Variants in PTPRD observed in about 807,000 individuals in gnomAD.
PTPRD encodes receptor-type tyrosine-protein phosphatase delta.
In PTPRD, 34 loss-of-function variants were observed where a neutral mutation model predicts 214.5. That is an observed-to-expected ratio of 0.16 (90% CI 0.12 to 0.21). The LOEUF (loss-of-function observed/expected upper bound fraction) is 0.21. Ranked by LOEUF, PTPRD falls within the 10% of genes least tolerant of loss-of-function variation. The pLI, the probability that PTPRD is intolerant of heterozygous loss-of-function variation, is 1.00. For synonymous variants in PTPRD, 1,128 were observed against 845.7 expected, an observed-to-expected ratio of 1.33 and a Z score of -5.79; for missense variants, 2,545 against 2,398.7, an observed-to-expected ratio of 1.06 and a Z score of -1.27.
At chr9:9,261,776 G>A (rs1199310023) in intron 9 of PTPRD, among the ~76,000 whole-genome samples, 1 of 151,690 alleles carries the variant, frequency 6.6e-6, no homozygotes, top group African/African-American at 2.4e-5. Flanking sequence ...AGCTATATCT[G>A]TTTTTGGCTA....
At chr9:10,257,077 C>CA (rs34495507) in intron 3 of PTPRD, among the ~76,000 whole-genome samples, 24,203 of 152,046 alleles carry the variant, frequency 0.16, 2,056 homozygotes, top group Non-Finnish European at 0.18. Flanking sequence ...TAAGTACAGA[C>CA]AAAAAATGTT....
chr9:10,024,698 T>C lies in PTPRD; in HGVS notation c.-472+9020A>G, dbSNP rs531827261. 2.6e-5 allele frequency among the ~76,000 whole-genome samples: 4 copies of C among 151,518 alleles called. No homozygotes were observed. In the South Asian group the frequency reaches 6.3e-4, roughly 24 times the overall value. On this transcript the variant is annotated intron_variant, in intron 4 of 45. Coordinates refer to ENST00000381196, the MANE Select transcript of PTPRD (RefSeq NM_002839.4). ...ACAACGTGCAGGTTTGTTACATACGTATACATGTGCCATGTTGGTGTGCTG... is the reference window on the plus strand; with the variant it reads ...ACAACGTGCAGGTTTGTTACATACGCATACATGTGCCATGTTGGTGTGCTG...
chr9:9,365,334 C>T (rs1442436241), intron 9 of PTPRD, among the ~76,000 whole-genome samples: 3 of 151,500 alleles, frequency 2.0e-5, no homozygotes, highest in African/African-American at 7.3e-5. Context: ...TAATCTTTCA[C>T]ATATAGTTGG....
intron 9 of PTPRD, among the ~76,000 whole-genome samples, chr9:9,320,648 T>C (rs1966023021): frequency 6.6e-6 from 1 of 152,140 alleles, no homozygotes; most frequent in Non-Finnish European, 1.5e-5. Context: ...TAGACCTTTC[T>C]AGTGACCAAT....
At chr9:9,651,501 T>A (rs1316668100) in intron 7 of PTPRD, among the ~76,000 whole-genome samples, 1 of 152,120 alleles carries the variant, frequency 6.6e-6, no homozygotes, top group Non-Finnish European at 1.5e-5. Flanking sequence ...GGTATTTGGT[T>A]TTCTGTTCCT....
At chr9:8,925,746 C>T (rs995630367) in intron 11 of PTPRD, among the ~76,000 whole-genome samples, 7 of 151,426 alleles carry the variant, frequency 4.6e-5, no homozygotes, top group Non-Finnish European at 7.4e-5. Context: ...CAGCTATAAA[C>T]ACCTCTTGTC....
intron 3 of PTPRD, among the ~76,000 whole-genome samples, chr9:10,050,559 C>CAAAAAAA (rs1164243746): frequency 0.021 from 296 of 13,992 alleles, 55 homozygotes; most frequent in Non-Finnish European, 0.032. Context: ...GAGTCTGTCT[C>CAAAAAAA]AAAAAAAAAA....
chr9:10,029,640 T>TCCCCAGTGCCTGTATCC lies in PTPRD; in HGVS notation c.-472+4061_-472+4077dup, dbSNP rs572886784. Among the ~76,000 whole-genome samples the TCCCCAGTGCCTGTATCC allele has an allele frequency of 4.6e-5, 7 of 152,310 alleles. No individual in the cohort carries two copies. In the East Asian group the frequency reaches 1.4e-3, roughly 29 times the overall value. On this transcript the variant is annotated intron_variant, in intron 4 of 45. Coordinates refer to ENST00000381196, the MANE Select transcript of PTPRD (RefSeq NM_002839.4). Reference sequence around the variant, plus strand: ...GTCTCCCATTTGGAACGGCTGTATTTCCCCAGTGCCTGTATCCCTATTGTA... The same window carrying TCCCCAGTGCCTGTATCC: ...GTCTCCCATTTGGAACGGCTGTATTTCCCCAGTGCCTGTATCCCCCCAGTGCCTGTATCCCTATTGTA...
At chr9:8,398,398 A>C (rs2129673136) in intron 36 of PTPRD, among the ~76,000 whole-genome samples, 1 of 152,290 alleles carries the variant, frequency 6.6e-6, no homozygotes, top group East Asian at 1.9e-4. Flanking sequence ...AGCAGCATAT[A>C]GGCCCTCCTA....
rs570155410 is a variant in PTPRD, at chr9:9,715,851, G to GTTA, written c.-287+18679_-287+18681dup. Among the ~76,000 whole-genome samples the GTTA allele has an allele frequency of 2.0e-4, 30 of 151,618 alleles. No homozygotes were observed. The South Asian group carries it at 3.5e-3, about 18-fold the overall frequency. Reference sequence around the variant, plus strand: ...AAACTGTTGCTAAGAAGCTTCTTTTGTTATTATTATTATTATTATACTTTA... The same window carrying GTTA: ...AAACTGTTGCTAAGAAGCTTCTTTTGTTATTATTATTATTATTATTATACTTTA... On this transcript the variant is annotated intron_variant, in intron 7 of 45. Transcript: ENST00000381196.
chr9:8,958,215 A>C (rs1325765382), intron 11 of PTPRD, among the ~76,000 whole-genome samples: 1 of 151,904 alleles, frequency 6.6e-6, no homozygotes, highest in Non-Finnish European at 1.5e-5. Flanking sequence ...CTGGAGACTC[A>C]TGATGCCTCA....
chr9:9,963,555 C>A (rs1278966184), intron 4 of PTPRD, among the ~76,000 whole-genome samples: 1 of 152,092 alleles, frequency 6.6e-6, no homozygotes, highest in East Asian at 1.9e-4. Context: ...ACAGTGGCAA[C>A]GTCACTTTAC....
Position 9,610,394 on chromosome 9 carries a change from C to T in PTPRD, c.-286-35613G>A, listed in dbSNP as rs374214269. 1.4e-4 allele frequency among the ~76,000 whole-genome samples: 22 copies of T among 152,272 alleles called. No individual in the cohort carries two copies. The East Asian group carries it at 3.5e-3, about 24-fold the overall frequency. On this transcript the variant is annotated intron_variant, in intron 7 of 45. Coordinates refer to ENST00000381196, the MANE Select transcript of PTPRD (RefSeq NM_002839.4). Reference sequence around the variant, plus strand: ...AAAGAGAATTAAGACTACATTTGCACTAGCAAAGCAATAATATCAACGGAT... The same window carrying T: ...AAAGAGAATTAAGACTACATTTGCATTAGCAAAGCAATAATATCAACGGAT...
At chr9:8,415,053 TAA>T (rs1332764505) in intron 35 of PTPRD, among the ~76,000 whole-genome samples, 1 of 150,510 alleles carries the variant, frequency 6.6e-6, no homozygotes, top group Non-Finnish European at 1.5e-5. Context: ...TGGGAAAAAG[TAA>T]AGAGAAATTT....
intron 3 of PTPRD, among the ~76,000 whole-genome samples, chr9:10,067,608 T>C (rs1270922213): frequency 6.6e-6 from 1 of 151,850 alleles, no homozygotes; most frequent in Non-Finnish European, 1.5e-5. Flanking sequence ...TATCTCTTAT[T>C]AACAGCTAAG....
chr9:10,052,425 C>A (rs2097550529), intron 3 of PTPRD, among the ~76,000 whole-genome samples: 1 of 152,106 alleles, frequency 6.6e-6, no homozygotes, highest in Non-Finnish European at 1.5e-5. Flanking sequence ...ACCTTCAAAT[C>A]ATCTGTTCAA....
intron 3 of PTPRD, among the ~76,000 whole-genome samples, chr9:10,226,011 G>A (rs934398589): frequency 6.6e-6 from 1 of 151,994 alleles, no homozygotes; most frequent in Non-Finnish European, 1.5e-5. Flanking sequence ...TGCAGTTTAA[G>A]GTTTGCATAA....
chr9:8,449,615 G>C (rs2095859344), intron 34 of PTPRD, 110 bp downstream of exon 34: 5 of 994,172 alleles, frequency 5.0e-6, no homozygotes, highest in Non-Finnish European at 7.3e-6. Context: ...AAAAGAGCAG[G>C]ATGAACAAAA....
At chr9:9,991,046 G>A (rs952194122) in intron 4 of PTPRD, among the ~76,000 whole-genome samples, 14 of 147,944 alleles carry the variant, frequency 9.5e-5, no homozygotes, top group Non-Finnish European at 1.6e-4. Flanking sequence ...GCAATTCTCC[G>A]GCCTCAGCCT....
Sources: allele counts gnomAD v4.1 joint callset (sites outside exome capture counted in the v4.1 genomes callset), GRCh38; gene constraint gnomAD v4.1.1; transcripts MANE v1.5; gene names NCBI Gene and HGNC (gene_info 2026-07-23, HGNC 2026-07-21).